CACNA1C: variants seen among roughly 807,000 people sequenced by gnomAD.
The protein encoded by CACNA1C is voltage-dependent L-type calcium channel subunit alpha-1C.
A neutral mutation model predicts 229.0 loss-of-function variants in CACNA1C; 30 were observed. The ratio of observed to expected loss-of-function variants is 0.13; its 90% CI spans 0.10 to 0.18. The LOEUF (loss-of-function observed/expected upper bound fraction) is 0.18, where lower values mean the gene tolerates loss of function less well. Among genes scored for constraint, CACNA1C ranks in the 10% least tolerant of loss-of-function variants. The pLI is 1.00. For synonymous variants in CACNA1C, 1,114 were observed against 1,132.5 expected (o/e 0.98, Z 0.33); for missense variants, 1,658 against 2,845.0 (o/e 0.58, Z 9.49).
Position 2,531,355 on chromosome 12 carries a change from G to A in CACNA1C, c.1390+18371G>A, listed in dbSNP as rs1001700855. 3.3e-5 allele frequency among the ~76,000 whole-genome samples: 5 copies of A among 152,154 alleles called. No homozygotes were observed. The South Asian group carries it at 1.0e-3, about 32-fold the overall frequency. ...GAAAGAAGCCCTAGAAAGGGAGTAT[G>A]GAGACCTGGTTCCTAGTCCCAGCTC... On this transcript the variant is annotated intron_variant, in intron 9 of 46. Transcript: ENST00000399655.
At chr12:2,032,567 G>T (rs1017592856) in intron 1 of CACNA1C, among the ~76,000 whole-genome samples, 1 of 152,196 alleles carries the variant, frequency 6.6e-6, no homozygotes, top group African/African-American at 2.4e-5. Flanking sequence ...GTGAGTGTTC[G>T]GATGTGAATT....
intron 3 of CACNA1C, among the ~76,000 whole-genome samples, chr12:2,417,612 A>G (rs1451817223): frequency 6.6e-6 from 1 of 152,136 alleles, no homozygotes; most frequent in Non-Finnish European, 1.5e-5. Flanking sequence ...GTCCAGGCGG[A>G]TGACAAGGGA....
At chr12:2,297,090 G>C (rs2154465512) in intron 3 of CACNA1C, among the ~76,000 whole-genome samples, 1 of 152,306 alleles carries the variant, frequency 6.6e-6, no homozygotes, top group African/African-American at 2.4e-5. Flanking sequence ...AAAGATGTCA[G>C]GTCCAGGACA....
At chr12:2,541,138 A>G (rs1444246193) in intron 9 of CACNA1C, among the ~76,000 whole-genome samples, 3 of 152,038 alleles carry the variant, frequency 2.0e-5, no homozygotes, top group Non-Finnish European at 4.4e-5. Context: ...CCTCATCTTA[A>G]TCTAATGACC....
chr12:2,114,947 G>C (rs972423291), intron 1 of CACNA1C, among the ~76,000 whole-genome samples: 1 of 152,198 alleles, frequency 6.6e-6, no homozygotes, highest in African/African-American at 2.4e-5. Context: ...CATACGTGCT[G>C]TAATGCACGG....
chr12:1,989,346 A>AGAGCAGGAGCAG (rs370112885), intron 1 of CACNA1C, among the ~76,000 whole-genome samples: 7 of 152,262 alleles, frequency 4.6e-5, no homozygotes, highest in African/African-American at 1.7e-4. Context: ...TCTAAAGAGC[A>AGAGCAGGAGCAG]GAGCAGGAGC....
At chr12:2,044,149 T>C (rs112804194) in intron 1 of CACNA1C, among the ~76,000 whole-genome samples, 2 of 152,350 alleles carry the variant, frequency 1.3e-5, no homozygotes, top group South Asian at 2.1e-4. Context: ...GAATCTGCTA[T>C]GTAAAGAGGC....
In CACNA1C at chr12:2,457,696, C is replaced by T. The variant is rs761910114; in HGVS notation, c.747C>T (p.Ser249=). The T allele has an allele frequency of 8.8e-6, 14 of 1,591,862 alleles. No homozygotes were observed. The East Asian group carries it at 9.0e-5, about 10-fold the overall frequency. ...TGCTGCGCCCCCTGCGGCTGGTGTC[C>T]GGAGTCCCAAGTAAGTGAAGCCCGT... The part of the protein sequence containing the change: ...FRVLRPLRLV[S]GVPSLQVVLN... The change falls in exon 5 of 47, where the codon TCC becomes TCT. Residue 249 remains serine (S), a synonymous_variant. Coordinates refer to ENST00000399655, the MANE Select transcript of CACNA1C (RefSeq NM_000719.7).
rs11833613 is a variant in CACNA1C at position 2,411,590 on chromosome 12, G to A, written c.478-37386G>A. ...CCCTGGCCTTGCCGGAGTCACCGGA[G>A]GCAACCAAGAGCCCCTCGTTCAGAA... On this transcript the variant is annotated intron_variant, in intron 3 of 46. Transcript: ENST00000399655. Among the ~76,000 whole-genome samples, 1,232 of 152,304 alleles carry A rather than the reference G, an allele frequency of 8.1e-3. 26 individuals are homozygous for A. Among genetic ancestry groups the A allele is most frequent in the African/African-American group, 0.028 (1,165 of 41,566 alleles).
chr12:2,670,329 C>G (rs1405330298), intron 38 of CACNA1C, among the ~76,000 whole-genome samples: 3 of 152,148 alleles, frequency 2.0e-5, no homozygotes, highest in African/African-American at 7.2e-5. Flanking sequence ...GAATCCGAGT[C>G]CCTGCTCTCT....
chr12:2,361,283 G>A (rs1254543515), intron 3 of CACNA1C, among the ~76,000 whole-genome samples: 1 of 152,034 alleles, frequency 6.6e-6, no homozygotes, highest in Admixed American at 6.6e-5. Context: ...AAAATTGCTA[G>A]CTGACTATCC....
intron 3 of CACNA1C, among the ~76,000 whole-genome samples, chr12:2,266,541 T>A (rs2082470834): frequency 6.6e-6 from 1 of 152,226 alleles, no homozygotes; most frequent in Non-Finnish European, 1.5e-5. Flanking sequence ...TTTATGGACC[T>A]GGGAGTTGGG....
At chr12:2,485,544 A>G (rs895609643) in intron 5 of CACNA1C, among the ~76,000 whole-genome samples, 1 of 152,170 alleles carries the variant, frequency 6.6e-6, no homozygotes, top group Non-Finnish European at 1.5e-5. Flanking sequence ...GGTGCTTTTT[A>G]GAGTTTCTTT....
At chr12:2,014,553 A>G (rs2045003348) in intron 1 of CACNA1C, among the ~76,000 whole-genome samples, 1 of 152,208 alleles carries the variant, frequency 6.6e-6, no homozygotes. Context: ...CTCACGGGGA[A>G]AATGGACACA....
intron 3 of CACNA1C, among the ~76,000 whole-genome samples, chr12:2,173,797 G>A (rs1341694620): frequency 1.3e-5 from 2 of 152,032 alleles, no homozygotes; most frequent in African/African-American, 2.4e-5. Flanking sequence ...GCTAACTATA[G>A]TACCTACTAC....
rs867608053 is a variant in CACNA1C at position 2,691,984 on chromosome 12, T to C, written c.*785T>C. Reference sequence around the variant, plus strand: ...GTTTTTTTTAAATGTTTTATTTTGCTTTCCCAGCGGGAGGGGAGGAAGAAG... The same window carrying C: ...GTTTTTTTTAAATGTTTTATTTTGCCTTCCCAGCGGGAGGGGAGGAAGAAG... On this transcript the variant is annotated 3_prime_UTR_variant, in exon 47 of 47. Coordinates refer to ENST00000399655, the MANE Select transcript of CACNA1C (RefSeq NM_000719.7). The C allele has an allele frequency of 1.3e-5, 2 of 152,248 alleles. No individual in the cohort carries two copies. The highest frequency in any genetic ancestry group is 2.9e-5 in the Non-Finnish European group (2 of 68,054). The allele number at this position is 152,248 out of a possible 1,614,324, so 9.4% of individuals were successfully genotyped here.
In CACNA1C at chr12:2,319,627, G is replaced by A. The variant is rs1451382409; in HGVS notation, c.478-129349G>A. ...TCTGGAGGTCTCCACACACCCTCCGGGCAGACCTCATCTTCTTCAGACATT... is the reference window on the plus strand; with the variant it reads ...TCTGGAGGTCTCCACACACCCTCCGAGCAGACCTCATCTTCTTCAGACATT... On this transcript the variant is annotated intron_variant, in intron 3 of 46. Transcript: ENST00000399655. This position sits in a 1 kb window ranked among gnomAD's most constrained non-coding sequence, Gnocchi z 4.0. Among the ~76,000 whole-genome samples, 1 of 152,100 alleles carries A rather than the reference G, an allele frequency of 6.6e-6. No individual in the cohort carries two copies. Among genetic ancestry groups the A allele is most frequent in the Non-Finnish European group, 1.5e-5 (1 of 67,992 alleles).
chr12:2,629,401 G>A (rs912370853), intron 29 of CACNA1C, among the ~76,000 whole-genome samples: 5 of 152,200 alleles, frequency 3.3e-5, no homozygotes, highest in Non-Finnish European at 5.9e-5. Context: ...ACTGGACCAT[G>A]GCCCCACAGT....
intron 3 of CACNA1C, among the ~76,000 whole-genome samples, chr12:2,299,204 T>C (rs1446899973): frequency 6.6e-6 from 1 of 152,200 alleles, no homozygotes; most frequent in Non-Finnish European, 1.5e-5. Flanking sequence ...ACTTTAAATA[T>C]AATGATATGG....
Sources: allele counts gnomAD v4.1 joint callset (sites outside exome capture counted in the v4.1 genomes callset), GRCh38; gene constraint gnomAD v4.1.1; non-coding constraint Gnocchi (gnomAD v3.1); transcripts MANE v1.5; gene names NCBI Gene and HGNC (gene_info 2026-07-23, HGNC 2026-07-21).